The following MPHOSPH9 variants were observed in gnomAD, a reference collection of about 807,000 sequenced individuals.
MPHOSPH9 encodes the protein M-phase phosphoprotein 9.
In MPHOSPH9, 88 loss-of-function variants were observed where a neutral mutation model predicts 145.5. The ratio of observed to expected loss-of-function variants is 0.60; its 90% CI spans 0.51 to 0.72. MPHOSPH9 has a LOEUF of 0.72. Among genes scored for constraint, MPHOSPH9 ranks in the 30% least tolerant of loss-of-function variants. The pLI, the probability that MPHOSPH9 is intolerant of heterozygous loss-of-function variation, is 0.00. For synonymous variants in MPHOSPH9, 435 were observed against 486.2 expected, an observed-to-expected ratio of 0.89 and a Z score of 1.39; for missense variants, 1,238 against 1,386.6, an observed-to-expected ratio of 0.89 and a Z score of 1.70.
intron 7 of MPHOSPH9, among the ~76,000 whole-genome samples, chr12:123,210,977 CTTTTTTTT>C (rs907442708): frequency 2.0e-4 from 18 of 89,768 alleles, no homozygotes; most frequent in African/African-American, 8.6e-4. Flanking sequence ...TTTGTTTTTT[CTTTTTTTT>C]TTTTTTTTTT....
In MPHOSPH9 at chr12:123,155,789, C is replaced by T. The variant is rs1242004812; in HGVS notation, c.*1018G>A. Reference sequence around the variant, plus strand: ...AGTGGGCTGGAGCCCTCTGCAAGGCCGAGGGGAAGGCACCAGGCTCCATCC... The same window carrying T: ...AGTGGGCTGGAGCCCTCTGCAAGGCTGAGGGGAAGGCACCAGGCTCCATCC... On this transcript the variant is annotated 3_prime_UTR_variant, in exon 24 of 24. Coordinates refer to ENST00000606320, the MANE Select transcript of MPHOSPH9 (RefSeq NM_022782.4). 1 of 152,170 alleles carries T rather than the reference C, an allele frequency of 6.6e-6. No individual in the cohort carries two copies. The highest frequency in any genetic ancestry group is 1.5e-5 in the Non-Finnish European group (1 of 68,040). The allele number at this position is 152,170 out of a possible 1,614,324, so 9.4% of individuals were successfully genotyped here.
chr12:123,165,590 G>A (rs2044285442), intron 17 of MPHOSPH9, 113 bp from the exon 18 acceptor site: 5 of 980,690 alleles, frequency 5.1e-6, no homozygotes, highest in South Asian at 4.9e-5. Context: ...GTGATGGTGT[G>A]TGGAGGTGGG....
intron 4 of MPHOSPH9, among the ~76,000 whole-genome samples, chr12:123,222,302 G>A (rs1193663853): frequency 6.6e-6 from 1 of 150,432 alleles, no homozygotes; most frequent in East Asian, 2.0e-4. Context: ...GCCAGCCTGG[G>A]TGACAGAGTG....
upstream of MPHOSPH9, among the ~76,000 whole-genome samples, chr12:123,235,846 T>C (rs989749484): frequency 1.3e-5 from 2 of 151,826 alleles, no homozygotes; most frequent in Admixed American, 1.3e-4. Context: ...AGCGGATCGC[T>C]TGAGGTCAGG....
chr12:123,207,053 T>TA lies in MPHOSPH9; in HGVS notation c.1194+3002dup, dbSNP rs201125578. 8.5e-3 allele frequency among the ~76,000 whole-genome samples: 686 copies of TA among 80,532 alleles called. 5 individuals carry two copies. Among genetic ancestry groups the TA allele is most frequent in the East Asian group, 0.047 (140 of 3,000 alleles). 52.8% of individuals were successfully genotyped at this position (80,532 alleles called of 152,430 possible). A position where few individuals can be genotyped will look rare whatever the true frequency, so the allele number is the denominator to read the frequency against. On this transcript the variant is annotated intron_variant, in intron 8 of 23. Coordinates refer to ENST00000606320, the MANE Select transcript of MPHOSPH9 (RefSeq NM_022782.4). Reference sequence around the variant, plus strand: ...AACACAGCAAAAATCCTCTCTCTAATAAAAAAAAAAAAAAGTTACTGATAC... The same window carrying TA: ...AACACAGCAAAAATCCTCTCTCTAATAAAAAAAAAAAAAAAGTTACTGATAC...
rs966412978 is a variant in MPHOSPH9 at position 123,174,459 on chromosome 12, G to A, written c.2456+2229C>T. Reference sequence around the variant, plus strand: ...GCGATCTTGGCTCCCTGCAAGCTCCGCCTCCCGGGTTCACGCCATTCTCCT... The same window carrying A: ...GCGATCTTGGCTCCCTGCAAGCTCCACCTCCCGGGTTCACGCCATTCTCCT... On this transcript the variant is annotated intron_variant, in intron 16 of 23. Coordinates refer to ENST00000606320, the MANE Select transcript of MPHOSPH9 (RefSeq NM_022782.4). Among the ~76,000 whole-genome samples, 19 of 149,836 alleles carry A rather than the reference G, an allele frequency of 1.3e-4. No homozygotes were observed. The East Asian group carries it at 1.8e-3, about 14-fold the overall frequency.
At chr12:123,172,614 T>G (rs2044635826) in intron 16 of MPHOSPH9, among the ~76,000 whole-genome samples, 1 of 152,156 alleles carries the variant, frequency 6.6e-6, no homozygotes, top group South Asian at 2.1e-4. Flanking sequence ...ATTACAGGTG[T>G]GGGCCACCAC....
rs149767520 is a variant in MPHOSPH9 at position 123,171,368 on chromosome 12, C to T, written c.2457-4579G>A. On this transcript the variant is annotated intron_variant, in intron 16 of 23. Coordinates refer to ENST00000606320, the MANE Select transcript of MPHOSPH9 (RefSeq NM_022782.4). ...ACTCGGGAGGCTGAGGTGGGAGAAT[C>T]GTTGAACTTGGGAGGCGAAGGTTGC... 9.9e-5 allele frequency among the ~76,000 whole-genome samples: 15 copies of T among 152,212 alleles called. No homozygotes were observed. The East Asian group carries it at 2.3e-3, about 24-fold the overall frequency.
At chr12:123,161,877 C>T (rs527588481) in intron 21 of MPHOSPH9, among the ~76,000 whole-genome samples, 2 of 152,218 alleles carry the variant, frequency 1.3e-5, no homozygotes, top group African/African-American at 4.8e-5. Context: ...AATAACTGAG[C>T]AGTGTGGCCC....
At chr12:123,211,601 C>A (rs1208597380) in intron 7 of MPHOSPH9, among the ~76,000 whole-genome samples, 2 of 151,866 alleles carry the variant, frequency 1.3e-5, no homozygotes, top group Admixed American at 6.6e-5. Flanking sequence ...AGCAATCCAC[C>A]CTCCTCGGCC....
intron 1 of MPHOSPH9, among the ~76,000 whole-genome samples, chr12:123,243,255 G>A (rs980390835): frequency 4.0e-5 from 6 of 151,298 alleles, no homozygotes; most frequent in Non-Finnish European, 1.5e-5. Flanking sequence ...TTTTGGCTGG[G>A]CGCAATGGCT....
intron 17 of MPHOSPH9, chr12:123,166,452 G>A (rs2044323179): frequency 6.3e-6 from 4 of 639,126 alleles, no homozygotes; most frequent in Non-Finnish European, 1.1e-5. Context: ...CTGTGCCACT[G>A]AGCACAGGTG....
intron 11 of MPHOSPH9, 47 bp from the exon 12 acceptor site, chr12:123,198,381 C>T (rs2046068043): frequency 7.1e-7 from 1 of 1,416,276 alleles, no homozygotes; most frequent in Non-Finnish European, 9.8e-7. Flanking sequence ...AATTATTACC[C>T]TTAAAAGTAT....
At chr12:123,222,960 ATATGTGTG>A in intron 4 of MPHOSPH9, 70 bp downstream of exon 4, 1 of 749,572 alleles carries the variant, frequency 1.3e-6, no homozygotes, top group Non-Finnish European at 2.0e-6. Context: ...GTGTATATAT[ATATGTGTG>A]TGTGTGTGTG....
intron 1 of MPHOSPH9, among the ~76,000 whole-genome samples, chr12:123,238,710 G>A (rs2047888010): frequency 6.6e-6 from 1 of 152,158 alleles, no homozygotes; most frequent in African/African-American, 2.4e-5. Context: ...CAAATTTTAT[G>A]TGCCTCTGCA....
intron 13 of MPHOSPH9, among the ~76,000 whole-genome samples, chr12:123,182,613 A>G (rs2045234320): frequency 3.3e-5 from 5 of 151,718 alleles, no homozygotes; most frequent in Admixed American, 3.3e-4. Context: ...TCTTTATTTA[A>G]AAATATATAT....
At chr12:123,202,446 A>C in intron 10 of MPHOSPH9, 127 bp from the exon 11 acceptor site, 1 of 1,212,258 alleles carries the variant, frequency 8.2e-7, no homozygotes, top group South Asian at 1.6e-5. Context: ...CATACTACAA[A>C]ATATATAGAT....
At chr12:123,204,133 T>C (rs184325396) in intron 8 of MPHOSPH9, among the ~76,000 whole-genome samples, 2 of 152,000 alleles carry the variant, frequency 1.3e-5, no homozygotes, top group African/African-American at 2.4e-5. Context: ...AGAAACCCTG[T>C]CTCTACTAAA....
chr12:123,226,231 T>C (rs2047431386), intron 3 of MPHOSPH9: 6 of 686,652 alleles, frequency 8.7e-6, no homozygotes, highest in Non-Finnish European at 1.1e-5. Context: ...TTTTTAAGCA[T>C]ATAATAATAC....
Sources: allele counts gnomAD v4.1 joint callset (sites outside exome capture counted in the v4.1 genomes callset), GRCh38; gene constraint gnomAD v4.1.1; transcripts MANE v1.5; gene names NCBI Gene and HGNC (gene_info 2026-07-23, HGNC 2026-07-21).